GCH1: variants seen among roughly 807,000 people sequenced by gnomAD.
GCH1 encodes the protein GTP cyclohydrolase I.
GCH1 carries 5 observed loss-of-function variants against 25.9 expected under a neutral mutation model. The observed-to-expected ratio is 0.19, with a 90% confidence interval of 0.10 to 0.41. GCH1 has a LOEUF of 0.41. GCH1 is among the 10% of genes least tolerant of loss of function. The probability of loss-of-function intolerance (pLI) is 1.00; values close to 1 mark genes in which losing one functional copy is unlikely to be tolerated. For synonymous variants in GCH1, 159 were observed against 129.6 expected, an observed-to-expected ratio of 1.23 and a Z score of -1.54; for missense variants, 261 against 336.5, an observed-to-expected ratio of 0.78 and a Z score of 1.75.
intron 4 of GCH1, 30 bp downstream of exon 4, chr14:54,847,069 T>C (rs750742575): frequency 3.6e-6 from 3 of 829,714 alleles, no homozygotes; most frequent in Non-Finnish European, 5.9e-6. Flanking sequence ...AGAAAAATGT[T>C]TTCTGTTAAT....
At chr14:54,870,242 A>C (rs1380772323) in intron 1 of GCH1, among the ~76,000 whole-genome samples, 2 of 150,370 alleles carry the variant, frequency 1.3e-5, no homozygotes, top group African/African-American at 4.9e-5. Flanking sequence ...TCACATCTGT[A>C]ATTCTAGCAC....
chr14:54,859,689 T>C lies in GCH1; in HGVS notation c.501A>G (p.Lys167=). Reference sequence around the variant, plus strand: ...TGCACAGTCACACTTACCTCGCAAGTTTGCTGAGGCCAAGGACTTGCTTGT... The same window carrying C: ...TGCACAGTCACACTTACCTCGCAAGCTTGCTGAGGCCAAGGACTTGCTTGT... ...LPNKQVLGLS[K]LARIVEIYSR... The change falls in exon 3 of 6, where the codon AAA becomes AAG. Residue 167 remains lysine, a synonymous_variant. Transcript: ENST00000491895. 6.3e-7 allele frequency: 1 copy of C among 1,591,464 alleles called. No individual in the cohort carries two copies. The highest frequency in any genetic ancestry group is 8.6e-7 in the Non-Finnish European group (1 of 1,159,398).
chr14:54,859,608 T>A, intron 3 of GCH1, 73 bp downstream of exon 3: 1 of 846,964 alleles, frequency 1.2e-6, no homozygotes, highest in Non-Finnish European at 2.1e-6. Flanking sequence ...GAAAGCCTGA[T>A]GAGATAGATT....
chr14:54,855,624 G>A (rs2039799389), intron 3 of GCH1, among the ~76,000 whole-genome samples: 1 of 151,628 alleles, frequency 6.6e-6, no homozygotes. Flanking sequence ...GGCCAGCTTG[G>A]CCAACATGGA....
chr14:54,859,628 T>C, intron 3 of GCH1, 53 bp downstream of exon 3: 1 of 941,836 alleles, frequency 1.1e-6, no homozygotes, highest in Non-Finnish European at 1.8e-6. Context: ...TCTCAGCAGA[T>C]GAGGGCAGGT....
intron 1 of GCH1, among the ~76,000 whole-genome samples, chr14:54,872,555 A>T (rs1410859465): frequency 6.6e-6 from 1 of 152,230 alleles, no homozygotes; most frequent in East Asian, 1.9e-4. Flanking sequence ...AGAATGGCAA[A>T]TTGGATAAAA....
At chr14:54,864,587 G>T (rs2039964909) in intron 2 of GCH1, among the ~76,000 whole-genome samples, 1 of 152,088 alleles carries the variant, frequency 6.6e-6, no homozygotes. Context: ...TATTTACACT[G>T]CATTTGGTTA....
At chr14:54,850,264 G>T (rs963432524) in intron 3 of GCH1, among the ~76,000 whole-genome samples, 1 of 150,022 alleles carries the variant, frequency 6.7e-6, no homozygotes, top group Non-Finnish European at 1.5e-5. Context: ...GAGCCACCAC[G>T]CCCGATCTCC....
intron 3 of GCH1, among the ~76,000 whole-genome samples, chr14:54,851,111 A>AT (rs1200899290): frequency 6.6e-6 from 1 of 152,236 alleles, no homozygotes; most frequent in Non-Finnish European, 1.5e-5. Flanking sequence ...TTTGACAAAC[A>AT]TGACAAAAAC....
At chr14:54,850,921 T>C (rs2039720080) in intron 3 of GCH1, among the ~76,000 whole-genome samples, 1 of 152,198 alleles carries the variant, frequency 6.6e-6, no homozygotes, top group Admixed American at 6.5e-5. Context: ...CTATTGTGAA[T>C]AGTGCCACAA....
Position 54,883,470 on chromosome 14 carries a change from G to A in GCH1, c.344-18034C>T, listed in dbSNP as rs918987385. On this transcript the variant is annotated intron_variant, in intron 1 of 5. Coordinates refer to ENST00000491895, the MANE Select transcript of GCH1 (RefSeq NM_000161.3). The stretch of plus-strand genomic sequence containing the variant: ...CGAGGCAGGTGGATCACGAGGTCAG[G>A]AAATCGTGACCATCCTGGCTAAGAC... Among the ~76,000 whole-genome samples, 7 of 150,970 alleles carry A rather than the reference G, an allele frequency of 4.6e-5. No individual in the cohort carries two copies. The South Asian group carries it at 6.3e-4, about 14-fold the overall frequency.
At chr14:54,879,009 C>T (rs1325946813) in intron 1 of GCH1, among the ~76,000 whole-genome samples, 2 of 152,134 alleles carry the variant, frequency 1.3e-5, no homozygotes, top group Non-Finnish European at 2.9e-5. Flanking sequence ...CTCCTCCTAC[C>T]TCAGCCTCCC....
At chr14:54,845,898 G>T in intron 4 of GCH1, 46 bp from the exon 5 acceptor site, 2 of 1,010,066 alleles carry the variant, frequency 2.0e-6, no homozygotes, top group Non-Finnish European at 3.2e-6. Context: ...GACACAAACA[G>T]CTGGAAGCTT....
Position 54,902,349 on chromosome 14 carries a change from G to A in GCH1, c.315C>T (p.Phe105=), listed in dbSNP as rs775944523. ...PWRAASAMQF[F]TKGYQETISD... ...AGATGGTCTCCTGGTAGCCCTTGGTGAAGAACTGCATGGCCGAGGCCGCCC... is the reference window on the plus strand; with the variant it reads ...AGATGGTCTCCTGGTAGCCCTTGGTAAAGAACTGCATGGCCGAGGCCGCCC... The change falls in exon 1 of 6, where the codon TTC becomes TTT. Residue 105 remains phenylalanine (F), a synonymous_variant. Transcript: ENST00000491895. 2 of 1,612,946 alleles carry A rather than the reference G, an allele frequency of 1.2e-6. No homozygotes were observed. Among genetic ancestry groups the A allele is most frequent in the Non-Finnish European group, 1.7e-6 (2 of 1,179,808 alleles).
At chr14:54,894,894 C>A (rs1337203225) in intron 1 of GCH1, among the ~76,000 whole-genome samples, 1 of 152,068 alleles carries the variant, frequency 6.6e-6, no homozygotes, top group East Asian at 1.9e-4. Context: ...AAAATAGTAC[C>A]TTTTAATGAT....
At chr14:54,886,542 G>A (rs1249295487) in intron 1 of GCH1, among the ~76,000 whole-genome samples, 1 of 152,214 alleles carries the variant, frequency 6.6e-6, no homozygotes, top group Non-Finnish European at 1.5e-5. Flanking sequence ...AACCCGGGAA[G>A]CGGAGCTTGC....
intron 1 of GCH1, chr14:54,878,132 C>T (rs1361398972): frequency 1.9e-5 from 3 of 154,754 alleles, no homozygotes; most frequent in African/African-American, 7.2e-5. Context: ...TAAGAAGAAA[C>T]TCCAGGGAAA....
chr14:54,882,841 C>T (rs1376738319), intron 1 of GCH1, among the ~76,000 whole-genome samples: 1 of 152,164 alleles, frequency 6.6e-6, no homozygotes, highest in Non-Finnish European at 1.5e-5. Context: ...CGCAAGCCAC[C>T]ATCATTAGTG....
intron 1 of GCH1, chr14:54,878,289 G>C (rs1255695239): frequency 6.5e-6 from 1 of 152,728 alleles, no homozygotes; most frequent in South Asian, 2.1e-4. Flanking sequence ...TCCCTGGAAG[G>C]ACAGAGTTAA....
Sources: gnomAD v4.1 joint callset for allele counts (sites outside exome capture counted in the v4.1 genomes callset) on GRCh38, gnomAD v4.1.1 for gene constraint, MANE v1.5 for transcripts, NCBI Gene and HGNC (gene_info 2026-07-23, HGNC 2026-07-21) for gene names.